IGFBP7: variants seen among roughly 807,000 people sequenced by gnomAD.
IGFBP7 encodes the protein insulin like growth factor binding protein 7, also known as insulin-like growth factor-binding protein 7.
A neutral mutation model predicts 29.4 loss-of-function variants in IGFBP7; 31 were observed. That is an observed-to-expected ratio of 1.05 (90% CI 0.79 to 1.42). The LOEUF (loss-of-function observed/expected upper bound fraction) is 1.42, where lower values mean the gene tolerates loss of function less well. Among genes scored for constraint, IGFBP7 ranks in the 40% most tolerant of loss-of-function variants. The pLI is 0.00. For synonymous variants in IGFBP7, 172 were observed against 174.9 expected, an observed-to-expected ratio of 0.98 and a Z score of 0.13; for missense variants, 393 against 395.5, an observed-to-expected ratio of 0.99 and a Z score of 0.05.
At chr4:57,048,792 TA>T (rs1560493558) in intron 1 of IGFBP7, among the ~76,000 whole-genome samples, 1 of 151,882 alleles carries the variant, frequency 6.6e-6, no homozygotes, top group Non-Finnish European at 1.5e-5. Context: ...TGTTACTATT[TA>T]AAAAAAAGAG....
chr4:57,033,354 G>GATC (rs1560488188), intron 2 of IGFBP7, 43 bp from the exon 3 acceptor site: 6 of 1,297,076 alleles, frequency 4.6e-6, no homozygotes, highest in Non-Finnish European at 6.7e-6. Context: ...TTGTACACCA[G>GATC]ATCATCTACT....
chr4:57,075,975 C>T (rs997680266), intron 1 of IGFBP7, among the ~76,000 whole-genome samples: 4 of 152,148 alleles, frequency 2.6e-5, no homozygotes, highest in Admixed American at 6.5e-5. Context: ...ATAAAAATCT[C>T]GAATACCAAG....
At chr4:57,047,094 T>C (rs899093607) in intron 1 of IGFBP7, among the ~76,000 whole-genome samples, 7 of 152,218 alleles carry the variant, frequency 4.6e-5, no homozygotes, top group Non-Finnish European at 8.8e-5. Flanking sequence ...ATGGTTTGAC[T>C]GTGTCCCCAC....
chr4:57,074,175 C>G (rs1369438144), intron 1 of IGFBP7, among the ~76,000 whole-genome samples: 2 of 152,210 alleles, frequency 1.3e-5, no homozygotes, highest in African/African-American at 4.8e-5. Context: ...ATTCTCCTGT[C>G]TCAGCCTCCC....
intron 1 of IGFBP7, among the ~76,000 whole-genome samples, chr4:57,079,125 A>C (rs1161119695): frequency 6.6e-6 from 1 of 152,060 alleles, no homozygotes; most frequent in Non-Finnish European, 1.5e-5. Context: ...AAAGCAGCAC[A>C]CATCTACTTG....
rs765429078 is a variant in IGFBP7, at chr4:57,033,236, G to A, written c.661C>T (p.Arg221Trp). The A allele has an allele frequency of 3.1e-6, 5 of 1,614,020 alleles. No homozygotes were observed. Among genetic ancestry groups the A allele is most frequent in the South Asian group, 2.2e-5 (2 of 91,074 alleles). The change falls in exon 3 of 5, where the codon CGG becomes TGG. Residue 221 changes from arginine to tryptophan, a missense_variant. Physicochemically the swap from Arg to Trp is moderately radical, Grantham distance 101. Transcript: ENST00000295666. ...GDRDNLAIQTRGGPEKHEVTG... is the reference protein window; with the variant it reads ...GDRDNLAIQTWGGPEKHEVTG... ...ACTTCATGCTTTTCTGGGCCACCCC[G>A]GGTCTGAATGGCCAGGTTGTCCCGG...
intron 1 of IGFBP7, among the ~76,000 whole-genome samples, chr4:57,072,490 G>A (rs894014246): frequency 6.6e-6 from 1 of 152,062 alleles, no homozygotes; most frequent in South Asian, 2.1e-4. Context: ...CTGTGTTCAC[G>A]CCACTGCACT....
chr4:57,043,554 T>C (rs1346195568), intron 1 of IGFBP7, among the ~76,000 whole-genome samples: 4 of 152,236 alleles, frequency 2.6e-5, no homozygotes, highest in Admixed American at 6.5e-5. Context: ...GTGCAAGATT[T>C]TCCCACTCAT....
At chr4:57,075,871 T>C (rs1725210279) in intron 1 of IGFBP7, among the ~76,000 whole-genome samples, 1 of 152,196 alleles carries the variant, frequency 6.6e-6, no homozygotes, top group Non-Finnish European at 1.5e-5. Flanking sequence ...CTCATCCTTG[T>C]CCACTTGGAA....
chr4:57,062,012 C>T (rs1485634828), intron 1 of IGFBP7, among the ~76,000 whole-genome samples: 1 of 152,064 alleles, frequency 6.6e-6, no homozygotes, highest in African/African-American at 2.4e-5. Flanking sequence ...TCCTAGCAAT[C>T]TTGTGAGAGA....
chr4:57,031,944 G>A (rs1360678148), intron 4 of IGFBP7: 1 of 170,794 alleles, frequency 5.9e-6, no homozygotes, highest in Non-Finnish European at 1.3e-5. Context: ...TATGACACAG[G>A]ATGGGTTCTT....
intron 1 of IGFBP7, among the ~76,000 whole-genome samples, chr4:57,080,925 C>T (rs1461892875): frequency 6.6e-6 from 1 of 152,218 alleles, no homozygotes; most frequent in Admixed American, 6.5e-5. Context: ...GGGGATATCT[C>T]TGTTGGCTTC....
In IGFBP7 at chr4:57,051,443, C is replaced by A. The variant is rs116598452; in HGVS notation, c.476-10510G>T. 6.0e-3 allele frequency among the ~76,000 whole-genome samples: 918 copies of A among 152,322 alleles called. 11 individuals carry two copies. The highest frequency in any genetic ancestry group is 0.021 in the African/African-American group (872 of 41,570). ...TCAGGCTTTTAGTTTAAGGCAAATT[C>A]ATCTAGTTATGGAAGCTACTGTTAG... On this transcript the variant is annotated intron_variant, in intron 1 of 4. Transcript: ENST00000295666.
chr4:57,101,981 T>C (rs1235490129), intron 1 of IGFBP7, among the ~76,000 whole-genome samples: 1 of 152,240 alleles, frequency 6.6e-6, no homozygotes, highest in African/African-American at 2.4e-5. Context: ...AAATAAAGGT[T>C]ACACTCATAT....
chr4:57,045,748 T>C (rs1724343256), intron 1 of IGFBP7, among the ~76,000 whole-genome samples: 2 of 151,568 alleles, frequency 1.3e-5, no homozygotes, highest in African/African-American at 4.8e-5. Context: ...TTTTTTTTTT[T>C]AGATGGAGTT....
chr4:57,060,131 C>T (rs755331204), intron 1 of IGFBP7, among the ~76,000 whole-genome samples: 1 of 152,064 alleles, frequency 6.6e-6, no homozygotes, highest in African/African-American at 2.4e-5. Context: ...ATAAAACAGG[C>T]GAAGTGCAAC....
At chr4:57,109,573 G>A (rs1222073152) in intron 1 of IGFBP7, among the ~76,000 whole-genome samples, 2 of 152,178 alleles carry the variant, frequency 1.3e-5, no homozygotes, top group East Asian at 1.9e-4. Flanking sequence ...AGTTGGGTGC[G>A]CTTTGGGCAT....
At chr4:57,089,067 G>C (rs1231462315) in intron 1 of IGFBP7, among the ~76,000 whole-genome samples, 1 of 147,374 alleles carries the variant, frequency 6.8e-6, no homozygotes, top group Non-Finnish European at 1.5e-5. Context: ...GAGGCAACTT[G>C]TCATTTAATA....
At chr4:57,041,736 G>C (rs1440860319) in intron 1 of IGFBP7, among the ~76,000 whole-genome samples, 1 of 151,926 alleles carries the variant, frequency 6.6e-6, no homozygotes, top group Non-Finnish European at 1.5e-5. Context: ...ACGGGGTCTT[G>C]CTATGTTGCC....
Sources: gnomAD v4.1 joint callset for allele counts (sites outside exome capture counted in the v4.1 genomes callset) on GRCh38, gnomAD v4.1.1 for gene constraint, MANE v1.5 for transcripts, NCBI Gene and HGNC (gene_info 2026-07-23, HGNC 2026-07-21) for gene names.